The following CTNNBL1 variants were observed in gnomAD, a reference collection of about 807,000 sequenced individuals.
CTNNBL1 encodes catenin beta like 1.
A neutral mutation model predicts 72.7 loss-of-function variants in CTNNBL1; 31 were observed. That is an observed-to-expected ratio of 0.43 (90% CI 0.32 to 0.58). CTNNBL1 has a LOEUF of 0.58. CTNNBL1 is among the 20% of genes least tolerant of loss of function. The pLI, the probability that CTNNBL1 is intolerant of heterozygous loss-of-function variation, is 0.08. For missense variants in CTNNBL1, 534 were observed against 725.1 expected (o/e 0.74, Z 3.03); for synonymous variants, 240 against 267.3 (o/e 0.90, Z 1.00).
At chr20:37,826,028 A>G (rs1933317555) in intron 11 of CTNNBL1, among the ~76,000 whole-genome samples, 1 of 152,024 alleles carries the variant, frequency 6.6e-6, no homozygotes, top group Non-Finnish European at 1.5e-5. Context: ...CTCTCCTTCA[A>G]CCCATCTGAG....
intron 1 of CTNNBL1, among the ~76,000 whole-genome samples, chr20:37,713,670 ATTGACT>A (rs1239602895): frequency 6.6e-6 from 1 of 152,164 alleles, no homozygotes; most frequent in Non-Finnish European, 1.5e-5. Flanking sequence ...CATTTGACAG[ATTGACT>A]TTGTGTTTAT....
intron 4 of CTNNBL1, chr20:37,756,931 A>C (rs903340850): frequency 6.6e-6 from 1 of 152,188 alleles, no homozygotes; most frequent in Admixed American, 6.5e-5. Flanking sequence ...TATTACAGGC[A>C]TGAGCCACTG....
chr20:37,756,719 C>T (rs979198312), intron 4 of CTNNBL1, among the ~76,000 whole-genome samples: 1 of 149,512 alleles, frequency 6.7e-6, no homozygotes, highest in African/African-American at 2.5e-5. Context: ...CTCACTGCAG[C>T]CTCGATCTCC....
At chr20:37,718,395 G>T (rs1433027810) in intron 1 of CTNNBL1, among the ~76,000 whole-genome samples, 5 of 140,350 alleles carry the variant, frequency 3.6e-5, no homozygotes, top group Non-Finnish European at 6.1e-5. Flanking sequence ...GGGACGGGGC[G>T]GCTGGCCGGG....
intron 7 of CTNNBL1, among the ~76,000 whole-genome samples, chr20:37,769,207 G>C (rs2073500790): frequency 6.6e-6 from 1 of 152,228 alleles, no homozygotes; most frequent in South Asian, 2.1e-4. Flanking sequence ...AGGGACTGCT[G>C]TATACAGACT....
intron 4 of CTNNBL1, among the ~76,000 whole-genome samples, chr20:37,747,061 G>C (rs575967179): frequency 1.3e-5 from 2 of 152,260 alleles, no homozygotes; most frequent in African/African-American, 4.8e-5. Context: ...CAGGGAAGCT[G>C]TTCTGTTTTG....
chr20:37,723,262 A>G (rs2073056086), intron 1 of CTNNBL1, among the ~76,000 whole-genome samples: 1 of 152,256 alleles, frequency 6.6e-6, no homozygotes, highest in East Asian at 1.9e-4. Flanking sequence ...CTAGTGATTT[A>G]AATCGTACAT....
chr20:37,832,683 T>C (rs971270542), intron 11 of CTNNBL1, among the ~76,000 whole-genome samples: 1 of 152,244 alleles, frequency 6.6e-6, no homozygotes, highest in African/African-American at 2.4e-5. Context: ...TTTTCAGCAA[T>C]GGAACCATAA....
chr20:37,774,103 G>C (rs2073552242), intron 7 of CTNNBL1, among the ~76,000 whole-genome samples: 1 of 151,634 alleles, frequency 6.6e-6, no homozygotes, highest in African/African-American at 2.4e-5. Flanking sequence ...TTGTAGAGAT[G>C]AGGTCTCACT....
chr20:37,719,312 T>C (rs1157177539), intron 1 of CTNNBL1, among the ~76,000 whole-genome samples: 2 of 152,190 alleles, frequency 1.3e-5, no homozygotes, highest in African/African-American at 4.8e-5. Flanking sequence ...ATTTCATTGG[T>C]TTAACTTGTC....
intron 1 of CTNNBL1, among the ~76,000 whole-genome samples, chr20:37,707,137 A>G (rs2072892446): frequency 5.3e-5 from 8 of 152,194 alleles, no homozygotes; most frequent in Admixed American, 5.2e-4. Context: ...TAGATTTAGC[A>G]TAATTCCCAA....
chr20:37,797,013 A>G (rs2073781512), intron 10 of CTNNBL1, among the ~76,000 whole-genome samples: 2 of 152,178 alleles, frequency 1.3e-5, no homozygotes, highest in African/African-American at 4.8e-5. Context: ...ATGTAGGTTC[A>G]TGAGAGCTGA....
intron 9 of CTNNBL1, 120 bp from the exon 10 acceptor site, chr20:37,779,067 T>G: frequency 3.8e-5 from 34 of 903,668 alleles, no homozygotes; most frequent in Middle Eastern, 2.2e-4. Flanking sequence ...TTTTGTTTGG[T>G]GAGCTTCTGT....
chr20:37,698,800 CT>C (rs751869239), intron 1 of CTNNBL1, among the ~76,000 whole-genome samples: 2 of 152,202 alleles, frequency 1.3e-5, no homozygotes, highest in Non-Finnish European at 2.9e-5. Context: ...AATCCCAGCA[CT>C]TTGGGAGGCC....
chr20:37,718,122 G>A (rs2073004405), intron 1 of CTNNBL1, among the ~76,000 whole-genome samples: 2 of 152,136 alleles, frequency 1.3e-5, no homozygotes, highest in African/African-American at 2.4e-5. Context: ...GAGCTGTTGG[G>A]TACACCTCCC....
At chr20:37,717,717 C>A (rs1218713314) in intron 1 of CTNNBL1, among the ~76,000 whole-genome samples, 2 of 151,506 alleles carry the variant, frequency 1.3e-5, no homozygotes, top group Non-Finnish European at 2.9e-5. Flanking sequence ...AACAAGTGGA[C>A]AAAGGTCTCT....
chr20:37,739,078 CTGTGTG>C (rs34184566), intron 3 of CTNNBL1, among the ~76,000 whole-genome samples: 16,426 of 147,334 alleles, frequency 0.11, 1,083 homozygotes, highest in African/African-American at 0.19. Context: ...TACAGGAGCA[CTGTGTG>C]TGTGTGTGTG....
chr20:37,782,286 A>G (rs1006104944), intron 10 of CTNNBL1, among the ~76,000 whole-genome samples: 3 of 152,084 alleles, frequency 2.0e-5, no homozygotes, highest in African/African-American at 7.2e-5. Flanking sequence ...ATGTATATAT[A>G]CTCAGTGAAT....
chr20:37,866,836 T>C (rs1272732633), intron 15 of CTNNBL1, among the ~76,000 whole-genome samples: 6 of 152,220 alleles, frequency 3.9e-5, no homozygotes, highest in African/African-American at 1.4e-4. Flanking sequence ...GTTCCTTCCT[T>C]CCTTGACCTA....
Sources: gnomAD v4.1 joint callset for allele counts (sites outside exome capture counted in the v4.1 genomes callset) on GRCh38, gnomAD v4.1.1 for gene constraint, MANE v1.5 for transcripts, NCBI Gene and HGNC (gene_info 2026-07-23, HGNC 2026-07-21) for gene names.